KIF26B: variants seen among roughly 807,000 people sequenced by gnomAD.
KIF26B encodes the protein kinesin family member 26B.
Under a neutral mutation model 151.2 loss-of-function variants are expected in KIF26B, and 63 were observed. The observed-to-expected ratio is 0.42, with a 90% CI of 0.34 to 0.51. The LOEUF (loss-of-function observed/expected upper bound fraction) is 0.51, where lower values mean the gene tolerates loss of function less well. KIF26B is among the 20% of genes least tolerant of loss of function. KIF26B has a pLI of 0.07. For missense variants in KIF26B, 2,813 were observed against 2,913.6 expected, an observed-to-expected ratio of 0.97 and a Z score of 0.79; for synonymous variants, 1,357 against 1,262.1, an observed-to-expected ratio of 1.08 and a Z score of -1.59.
chr1:245,177,460 G>A (rs1008940167), intron 2 of KIF26B, among the ~76,000 whole-genome samples: 2 of 152,124 alleles, frequency 1.3e-5, no homozygotes, highest in African/African-American at 4.8e-5. Context: ...TATGTTGGGG[G>A]CATTTACGGT....
At chr1:245,650,500 A>G (rs968497402) in intron 10 of KIF26B, among the ~76,000 whole-genome samples, 1 of 152,202 alleles carries the variant, frequency 6.6e-6, no homozygotes, top group Non-Finnish European at 1.5e-5. Context: ...GCTTTTCGAG[A>G]CTCAGATTCT....
At chr1:245,531,427 T>C (rs541334246) in intron 4 of KIF26B, among the ~76,000 whole-genome samples, 15 of 152,254 alleles carry the variant, frequency 9.9e-5, no homozygotes, top group African/African-American at 3.4e-4. Context: ...TTCTTTTTTT[T>C]CAACCCGTAA....
chr1:245,462,137 A>T (rs1292531717), intron 4 of KIF26B, among the ~76,000 whole-genome samples: 1 of 152,184 alleles, frequency 6.6e-6, no homozygotes, highest in Non-Finnish European at 1.5e-5. Flanking sequence ...AAAGAAAAAA[A>T]ATTAAAAAAT....
At chr1:245,335,818 G>T (rs1264141381) in intron 2 of KIF26B, among the ~76,000 whole-genome samples, 1 of 148,866 alleles carries the variant, frequency 6.7e-6, no homozygotes, top group African/African-American at 2.5e-5. Flanking sequence ...CGCAGGGAAA[G>T]AAGAGCCCCA....
chr1:245,551,665 G>A (rs1226806679), intron 5 of KIF26B, among the ~76,000 whole-genome samples: 1 of 152,202 alleles, frequency 6.6e-6, no homozygotes, highest in Admixed American at 6.5e-5. Context: ...TCTGTTACAA[G>A]TACAGATGGT....
chr1:245,327,119 G>C (rs1413778765), intron 2 of KIF26B, among the ~76,000 whole-genome samples: 1 of 152,240 alleles, frequency 6.6e-6, no homozygotes, highest in Non-Finnish European at 1.5e-5. Context: ...ATGGAACACA[G>C]ATGACCATGT....
intron 2 of KIF26B, among the ~76,000 whole-genome samples, chr1:245,305,807 G>A (rs1164840150): frequency 1.3e-5 from 2 of 151,716 alleles, no homozygotes; most frequent in African/African-American, 2.4e-5. Flanking sequence ...GTGTGGTGGC[G>A]GGCGCCTGTA....
intron 4 of KIF26B, among the ~76,000 whole-genome samples, chr1:245,460,139 G>A (rs1659616122): frequency 6.6e-6 from 1 of 152,048 alleles, no homozygotes; most frequent in Admixed American, 6.6e-5. Context: ...GCTAATTTTT[G>A]TATTTTTAAT....
chr1:245,287,494 CTCTCTTTTTT>C (rs1671184749), intron 2 of KIF26B, among the ~76,000 whole-genome samples: 2 of 113,172 alleles, frequency 1.8e-5, no homozygotes, highest in Middle Eastern at 4.9e-3. Context: ...TCATCTCTCT[CTCTCTTTTTT>C]TTTTTTTTTT....
chr1:245,351,279 C>G (rs532675687), intron 2 of KIF26B, among the ~76,000 whole-genome samples: 3 of 152,308 alleles, frequency 2.0e-5, no homozygotes, highest in African/African-American at 7.2e-5. Context: ...GTTTTTCTGT[C>G]ATCGCTGTTG....
At chr1:245,612,105 T>TGTGTGTGAGA (rs764505406) in intron 9 of KIF26B, 129 bp downstream of exon 9, 26 of 312,706 alleles carry the variant, frequency 8.3e-5, no homozygotes, top group Admixed American at 8.1e-4. Context: ...TGTGTGTGTG[T>TGTGTGTGAGA]GAGAGAGAGA....
chr1:245,182,394 T>C (rs891403555), intron 2 of KIF26B, among the ~76,000 whole-genome samples: 2 of 152,270 alleles, frequency 1.3e-5, no homozygotes, highest in African/African-American at 4.8e-5. Context: ...TGTTGTAGCA[T>C]GTATCAGTAC....
At chr1:245,464,786 G>A (rs1266019859) in intron 4 of KIF26B, among the ~76,000 whole-genome samples, 12 of 152,104 alleles carry the variant, frequency 7.9e-5, no homozygotes, top group Non-Finnish European at 1.5e-5. Context: ...GTTGTGTCGT[G>A]GAGGGACACT....
intron 4 of KIF26B, among the ~76,000 whole-genome samples, chr1:245,436,888 C>CTG (rs1422701653): frequency 9.9e-6 from 1 of 100,936 alleles, no homozygotes; most frequent in Non-Finnish European, 2.3e-5. Flanking sequence ...CTTTCTCCCT[C>CTG]TCTTTTTTTT....
intron 4 of KIF26B, among the ~76,000 whole-genome samples, chr1:245,491,639 G>T (rs1423766692): frequency 6.6e-6 from 1 of 152,222 alleles, no homozygotes; most frequent in Non-Finnish European, 1.5e-5. Context: ...GGGGTGCAGT[G>T]TCTCACGCCT....
At chr1:245,179,817 C>T (rs1240733083) in intron 2 of KIF26B, among the ~76,000 whole-genome samples, 1 of 152,162 alleles carries the variant, frequency 6.6e-6, no homozygotes, top group African/African-American at 2.4e-5. Context: ...GCCACGAGGA[C>T]AAGCAGGTGT....
chr1:245,163,646 G>A (rs1435459650), intron 2 of KIF26B, among the ~76,000 whole-genome samples: 1 of 152,014 alleles, frequency 6.6e-6, no homozygotes, highest in Non-Finnish European at 1.5e-5. Flanking sequence ...CCAAGAACAT[G>A]GAATACCTTT....
intron 4 of KIF26B, among the ~76,000 whole-genome samples, chr1:245,480,621 CG>C (rs1471791285): frequency 6.6e-6 from 1 of 151,578 alleles, no homozygotes; most frequent in African/African-American, 2.4e-5. Context: ...GCAGAGTGAC[CG>C]GGTATACAGG....
At chr1:245,398,601 G>A (rs377439420) in intron 3 of KIF26B, among the ~76,000 whole-genome samples, 4 of 152,106 alleles carry the variant, frequency 2.6e-5, no homozygotes, top group South Asian at 2.1e-4. Context: ...GATGAGAGGC[G>A]AGCCCTTTAC....
Sources: allele counts gnomAD v4.1 joint callset (sites outside exome capture counted in the v4.1 genomes callset), GRCh38; gene constraint gnomAD v4.1.1; transcripts MANE v1.5; gene names NCBI Gene and HGNC (gene_info 2026-07-23, HGNC 2026-07-21).